Variants in NHSL1 observed in about 807,000 individuals in gnomAD.
NHSL1 encodes the protein NHS like 1.
A neutral mutation model predicts 95.0 loss-of-function variants in NHSL1; 48 were observed. The ratio of observed to expected loss-of-function variants is 0.51; its 90% CI spans 0.40 to 0.64. The LOEUF (loss-of-function observed/expected upper bound fraction) is 0.64, where lower values mean the gene tolerates loss of function less well. Among genes scored for constraint, NHSL1 ranks in the 30% least tolerant of loss-of-function variants. The pLI is 0.00. For missense variants in NHSL1, 1,971 were observed against 2,077.7 expected (o/e 0.95, Z 1.00); for synonymous variants, 783 against 833.9 (o/e 0.94, Z 1.05).
intron 1 of NHSL1, among the ~76,000 whole-genome samples, chr6:138,632,766 A>C (rs980316015): frequency 2.2e-4 from 33 of 152,160 alleles, no homozygotes; most frequent in African/African-American, 7.5e-4. Flanking sequence ...CAGACTGCAA[A>C]GACTACAATA....
chr6:138,604,406 C>T (rs1001842162), intron 1 of NHSL1, among the ~76,000 whole-genome samples: 14 of 152,102 alleles, frequency 9.2e-5, no homozygotes, highest in African/African-American at 3.4e-4. Context: ...CTGCAGAAAA[C>T]ACAAATGCTA....
intron 1 of NHSL1, chr6:138,545,568 G>A (rs917940417): frequency 1.1e-5 from 13 of 1,197,182 alleles, no homozygotes; most frequent in Non-Finnish European, 1.3e-5. Context: ...GATGCTAAAT[G>A]ACAATCTTCC....
At chr6:138,466,863 C>T (rs1310781703) in intron 3 of NHSL1, among the ~76,000 whole-genome samples, 1 of 152,026 alleles carries the variant, frequency 6.6e-6, no homozygotes, top group Non-Finnish European at 1.5e-5. Flanking sequence ...GCGGGTGGAT[C>T]ACCTGAGATC....
chr6:138,675,084 A>G (rs1169492317), intron 1 of NHSL1, among the ~76,000 whole-genome samples: 1 of 151,582 alleles, frequency 6.6e-6, no homozygotes, highest in African/African-American at 2.4e-5. Context: ...AAATTAAAAG[A>G]GGCACTACAA....
intron 3 of NHSL1, among the ~76,000 whole-genome samples, chr6:138,468,747 C>T (rs1229196020): frequency 6.6e-6 from 1 of 152,174 alleles, no homozygotes; most frequent in African/African-American, 2.4e-5. Flanking sequence ...TAGGCTGTAC[C>T]GTCTAGGTTT....
intron 1 of NHSL1, among the ~76,000 whole-genome samples, chr6:138,656,038 T>C (rs1337618621): frequency 6.6e-6 from 1 of 152,232 alleles, no homozygotes; most frequent in Non-Finnish European, 1.5e-5. Context: ...CTGCCTTCAA[T>C]GGGTCCTGGA....
chr6:138,686,257 C>T (rs1179048496), intron 1 of NHSL1, among the ~76,000 whole-genome samples: 1 of 152,168 alleles, frequency 6.6e-6, no homozygotes, highest in South Asian at 2.1e-4. Flanking sequence ...CACAGTGGCT[C>T]ACACCTGGAA....
chr6:138,606,647 C>T (rs113159114), intron 1 of NHSL1, among the ~76,000 whole-genome samples: 12 of 151,804 alleles, frequency 7.9e-5, no homozygotes, highest in Non-Finnish European at 4.4e-5. Context: ...CTTTTTGTGA[C>T]TGGCAGTGTC....
At chr6:138,425,465 G>A (rs900897227) in intron 7 of NHSL1, among the ~76,000 whole-genome samples, 17 of 152,136 alleles carry the variant, frequency 1.1e-4, no homozygotes, top group Non-Finnish European at 2.9e-5. Flanking sequence ...CTGCAAGACC[G>A]CATGAGCCCA....
At chr6:138,579,800 C>T (rs564317428) in intron 1 of NHSL1, among the ~76,000 whole-genome samples, 3 of 152,338 alleles carry the variant, frequency 2.0e-5, no homozygotes, top group South Asian at 2.1e-4. Flanking sequence ...ATCGACCTTA[C>T]GTGACCTTTT....
intron 1 of NHSL1, among the ~76,000 whole-genome samples, chr6:138,616,468 G>C (rs987485062): frequency 2.0e-5 from 3 of 151,956 alleles, no homozygotes; most frequent in African/African-American, 7.3e-5. Flanking sequence ...ATGGTGGTAG[G>C]AACAAGTAAA....
intron 4 of NHSL1, among the ~76,000 whole-genome samples, chr6:138,445,875 A>G (rs17067596): frequency 0.063 from 9,519 of 152,252 alleles, 796 homozygotes; most frequent in East Asian, 0.36. Context: ...TTGATTATCA[A>G]TGACCACTAT....
intron 1 of NHSL1, among the ~76,000 whole-genome samples, chr6:138,687,350 G>C (rs1010359900): frequency 9.9e-5 from 15 of 151,984 alleles, no homozygotes; most frequent in African/African-American, 2.4e-5. Context: ...CAAGTGCCTT[G>C]CGTTCTGAGG....
chr6:138,437,413 TACACACACACACAC>T (rs71546236), intron 5 of NHSL1, among the ~76,000 whole-genome samples: 1 of 47,906 alleles, frequency 2.1e-5, no homozygotes, highest in Non-Finnish European at 3.3e-5. Flanking sequence ...TACACACATA[TACACACACACACAC>T]ACACACACAC....
At chr6:138,574,945 G>A (rs1243161063), upstream of NHSL1, among the ~76,000 whole-genome samples, 2 of 152,104 alleles carry the variant, frequency 1.3e-5, no homozygotes, top group African/African-American at 2.4e-5. Flanking sequence ...TGTTGCCCAG[G>A]CTGGAGTGCA....
chr6:138,619,304 C>T (rs1784622574), intron 1 of NHSL1, among the ~76,000 whole-genome samples: 1 of 152,160 alleles, frequency 6.6e-6, no homozygotes, highest in African/African-American at 2.4e-5. Flanking sequence ...CGCCACTGCA[C>T]TCCAGCCTGG....
At chr6:138,433,792 T>C in intron 5 of NHSL1, 112 bp from the exon 6 acceptor site, 1 of 1,389,460 alleles carries the variant, frequency 7.2e-7, no homozygotes, top group South Asian at 1.8e-5. Flanking sequence ...TTTGATTTAA[T>C]TTCCTTTCTC....
intron 1 of NHSL1, among the ~76,000 whole-genome samples, chr6:138,609,209 G>A (rs552028478): frequency 1.3e-5 from 2 of 152,276 alleles, no homozygotes; most frequent in South Asian, 4.1e-4. Context: ...CCAAGGGTGG[G>A]CAGAATGCAT....
chr6:138,620,092 AAGATG>A (rs35613823), intron 1 of NHSL1, among the ~76,000 whole-genome samples: 16,381 of 152,088 alleles, frequency 0.11, 1,851 homozygotes, highest in African/African-American at 0.29. Flanking sequence ...GCCAAGAAAG[AAGATG>A]AGATAACAAG....
Sources: allele counts gnomAD v4.1 joint callset (sites outside exome capture counted in the v4.1 genomes callset), GRCh38; gene constraint gnomAD v4.1.1; transcripts MANE v1.5; gene names NCBI Gene and HGNC (gene_info 2026-07-23, HGNC 2026-07-21).